Variants in CTNND2 observed in about 807,000 individuals in gnomAD.
The protein encoded by CTNND2 is catenin delta 2, also known as catenin delta-2.
A neutral mutation model predicts 144.4 loss-of-function variants in CTNND2; 22 were observed. That is an observed-to-expected ratio of 0.15 (90% CI 0.11 to 0.22). The LOEUF is 0.22. Ranked by LOEUF, CTNND2 falls within the 10% of genes least tolerant of loss-of-function variation. The pLI is 1.00. For missense variants in CTNND2, 1,353 were observed against 1,618.8 expected, an observed-to-expected ratio of 0.84 and a Z score of 2.82; for synonymous variants, 751 against 695.6, an observed-to-expected ratio of 1.08 and a Z score of -1.25.
At chr5:10,980,006 T>C (rs1279229327) in intron 21 of CTNND2, among the ~76,000 whole-genome samples, 3 of 152,158 alleles carry the variant, frequency 2.0e-5, no homozygotes, top group South Asian at 2.1e-4. Context: ...AAAGACTTCA[T>C]GTCCAAAACT....
In CTNND2 at chr5:11,494,649, A is replaced by T. The variant is rs182686669; in HGVS notation, c.287+70295T>A. ...TAATAAGCAATTCCATTATGTCAGT[A>T]TTTCTTATTTGGATGGCTCCCAATA... On this transcript the variant is annotated intron_variant, in intron 3 of 21. Coordinates refer to ENST00000304623, the MANE Select transcript of CTNND2 (RefSeq NM_001332.4). Among the ~76,000 whole-genome samples, 365 of 152,274 alleles carry T rather than the reference A, an allele frequency of 2.4e-3. 6 individuals are homozygous for T. The highest frequency in any genetic ancestry group is 1.8e-3 in the Non-Finnish European group (123 of 68,006).
intron 3 of CTNND2, among the ~76,000 whole-genome samples, chr5:11,511,015 T>G (rs928027748): frequency 6.6e-6 from 1 of 152,148 alleles, no homozygotes; most frequent in African/African-American, 2.4e-5. Flanking sequence ...CAGCAAAGAC[T>G]CTACATGACA....
intron 16 of CTNND2, among the ~76,000 whole-genome samples, chr5:11,023,285 T>C (rs184073564): frequency 6.6e-6 from 1 of 152,258 alleles, no homozygotes; most frequent in Non-Finnish European, 1.5e-5. Flanking sequence ...TAATGGTACC[T>C]GCCATACAAG....
intron 2 of CTNND2, among the ~76,000 whole-genome samples, chr5:11,647,397 A>T (rs1033823182): frequency 2.0e-5 from 3 of 151,984 alleles, no homozygotes; most frequent in Non-Finnish European, 4.4e-5. Flanking sequence ...ATCCAACATC[A>T]GCTGGTCCTC....
chr5:11,665,565 C>T (rs958088069), intron 2 of CTNND2, among the ~76,000 whole-genome samples: 16 of 152,166 alleles, frequency 1.1e-4, no homozygotes, highest in Admixed American at 3.3e-4. Flanking sequence ...TTTGGTTTTA[C>T]AATTCAATGC....
At position 11,671,827 on chromosome 5, in the gene CTNND2, A is replaced by G. The variant is rs960784252; in HGVS notation, c.174+60309T>C. Among the ~76,000 whole-genome samples the G allele has an allele frequency of 1.1e-4, 16 of 152,084 alleles. No homozygotes were observed. In the East Asian group the frequency reaches 2.3e-3, roughly 22 times the overall value. On this transcript the variant is annotated intron_variant, in intron 2 of 21. Coordinates refer to ENST00000304623, the MANE Select transcript of CTNND2 (RefSeq NM_001332.4). ...ATCCAGTTTTGTTCCCTTGCTGGCG[A>G]GGAGCTGTGATCCTTTGGAGGAAAA... is the stretch of plus-strand genomic sequence containing the variant.
chr5:10,974,640 G>C (rs1736225599), intron 21 of CTNND2, among the ~76,000 whole-genome samples: 1 of 152,172 alleles, frequency 6.6e-6, no homozygotes, highest in African/African-American at 2.4e-5. Context: ...GATGCACAAA[G>C]CTCTGCTAAT....
chr5:11,458,205 T>G (rs78033380), intron 3 of CTNND2, among the ~76,000 whole-genome samples: 1 of 152,188 alleles, frequency 6.6e-6, no homozygotes, highest in East Asian at 1.9e-4. Flanking sequence ...ACACCCTAAG[T>G]TTTGCTTACT....
At chr5:11,367,209 C>T (rs1581029269) in intron 7 of CTNND2, among the ~76,000 whole-genome samples, 1 of 152,174 alleles carries the variant, frequency 6.6e-6, no homozygotes, top group Non-Finnish European at 1.5e-5. Context: ...ATTATTTACA[C>T]TTCTTTTTAT....
chr5:11,078,204 C>T (rs1749150703), intron 16 of CTNND2, among the ~76,000 whole-genome samples: 1 of 152,200 alleles, frequency 6.6e-6, no homozygotes, highest in Non-Finnish European at 1.5e-5. Context: ...CATTGTTCTT[C>T]ACTCAAAGTC....
intron 2 of CTNND2, among the ~76,000 whole-genome samples, chr5:11,645,547 T>A (rs1441664266): frequency 6.6e-6 from 1 of 152,234 alleles, no homozygotes; most frequent in East Asian, 1.9e-4. Flanking sequence ...TTTTCCTTTT[T>A]TAAAAATTTC....
At position 11,255,548 on chromosome 5, in the gene CTNND2, G is replaced by T. The variant is rs192845755; in HGVS notation, c.1629-18725C>A. ...GTGACATAAAGAAAAATTCAATCTTGTCTCATGCTCTCATTTTCTTTGAAA... is the reference window on the plus strand; with the variant it reads ...GTGACATAAAGAAAAATTCAATCTTTTCTCATGCTCTCATTTTCTTTGAAA... On this transcript the variant is annotated intron_variant, in intron 9 of 21. Coordinates refer to ENST00000304623, the MANE Select transcript of CTNND2 (RefSeq NM_001332.4). Among the ~76,000 whole-genome samples, 24 of 151,948 alleles carry T rather than the reference G, an allele frequency of 1.6e-4. No individual in the cohort carries two copies. The East Asian group carries it at 4.4e-3, about 28-fold the overall frequency.
At chr5:11,247,812 A>C (rs1743153369) in intron 9 of CTNND2, among the ~76,000 whole-genome samples, 1 of 152,228 alleles carries the variant, frequency 6.6e-6, no homozygotes, top group Admixed American at 6.5e-5. Context: ...ATTAGATTAC[A>C]ATGGATATCA....
chr5:11,598,745 A>G (rs1447778767), intron 2 of CTNND2, among the ~76,000 whole-genome samples: 2 of 152,198 alleles, frequency 1.3e-5, no homozygotes, highest in Non-Finnish European at 2.9e-5. Flanking sequence ...TTTCACAAAC[A>G]ACTGTAAGTA....
At chr5:11,756,658 ACACAC>A (rs1175941831) in intron 1 of CTNND2, among the ~76,000 whole-genome samples, 1 of 151,300 alleles carries the variant, frequency 6.6e-6, no homozygotes, top group Non-Finnish European at 1.5e-5. Flanking sequence ...ACACACACAC[ACACAC>A]ACACACACAC....
intron 3 of CTNND2, among the ~76,000 whole-genome samples, chr5:11,462,125 C>T (rs1766275263): frequency 6.6e-6 from 1 of 152,024 alleles, no homozygotes; most frequent in African/African-American, 2.4e-5. Context: ...ATGTCCCCAC[C>T]CCACTATAAT....
intron 10 of CTNND2, among the ~76,000 whole-genome samples, chr5:11,203,936 A>G (rs1313527135): frequency 6.6e-6 from 1 of 152,194 alleles, no homozygotes; most frequent in East Asian, 1.9e-4. Context: ...CAGTGACCAG[A>G]AGGGACTTTT....
chr5:11,271,813 C>T lies in CTNND2; in HGVS notation c.1629-34990G>A, dbSNP rs1029118934. Among the ~76,000 whole-genome samples, 22 of 152,050 alleles carry T rather than the reference C, an allele frequency of 1.4e-4. 1 individual carries two copies. Among genetic ancestry groups the T allele is most frequent in the Admixed American group, 5.9e-4 (9 of 15,252 alleles). On this transcript the variant is annotated intron_variant, in intron 9 of 21. Transcript: ENST00000304623. ...AGGTTGAAATGGGGATGTCTGGGAG[C>T]GGGTGTGGGGGAAGGTTTCATTCTA... is the stretch of plus-strand genomic sequence containing the variant.
chr5:11,082,680 A>G lies in CTNND2; in HGVS notation c.2788+16T>C. Reference sequence around the variant, plus strand: ...TCACTTAACACTTGAGACACTGTGAATCAGGGAGAACATACCGATGAGCTC... The same window carrying G: ...TCACTTAACACTTGAGACACTGTGAGTCAGGGAGAACATACCGATGAGCTC... On this transcript the variant is annotated intron_variant, in intron 16 of 21. Transcript: ENST00000304623. 6.2e-7 allele frequency: 1 copy of G among 1,612,612 alleles called. No individual in the cohort carries two copies. The highest frequency in any genetic ancestry group is 8.5e-7 in the Non-Finnish European group (1 of 1,179,002).
Sources: gnomAD v4.1 joint callset for allele counts (sites outside exome capture counted in the v4.1 genomes callset) on GRCh38, gnomAD v4.1.1 for gene constraint, MANE v1.5 for transcripts, NCBI Gene and HGNC (gene_info 2026-07-23, HGNC 2026-07-21) for gene names.